The following MFAP3L variants were observed in gnomAD, a reference collection of about 807,000 sequenced individuals.
MFAP3L encodes microfibrillar-associated protein 3-like.
A neutral mutation model predicts 20.0 loss-of-function variants in MFAP3L; 5 were observed. The ratio of observed to expected loss-of-function variants is 0.25; its 90% confidence interval spans 0.13 to 0.53. The LOEUF (loss-of-function observed/expected upper bound fraction) is 0.53, where lower values mean the gene tolerates loss of function less well. Ranked by LOEUF, MFAP3L falls within the 20% of genes least tolerant of loss-of-function variation. The pLI, the probability that MFAP3L is intolerant of heterozygous loss-of-function variation, is 0.96. For missense variants in MFAP3L, 409 were observed against 527.5 expected (o/e 0.78, Z 2.20); for synonymous variants, 219 against 213.0 (o/e 1.03, Z -0.25).
Position 170,008,758 on chromosome 4 carries a change from C to T in MFAP3L, c.-133-2748G>A, listed in dbSNP as rs981351385. 4.6e-5 allele frequency among the ~76,000 whole-genome samples: 7 copies of T among 152,268 alleles called. No homozygotes were observed. The South Asian group carries it at 1.5e-3, about 32-fold the overall frequency. ...TTCTCATCACCCCATCGCATGTGCA[C>T]CTACCAAACTTGACACTGCTCCCTG... On this transcript the variant is annotated intron_variant, in intron 1 of 2. Transcript: ENST00000361618.
At chr4:170,021,654 T>G (rs958569032) in intron 1 of MFAP3L, among the ~76,000 whole-genome samples, 2 of 152,230 alleles carry the variant, frequency 1.3e-5, no homozygotes, top group African/African-American at 4.8e-5. Context: ...AACACTAAGA[T>G]AGAAGAATCC....
intron 1 of MFAP3L, among the ~76,000 whole-genome samples, chr4:170,010,801 T>C (rs1244428977): frequency 7.6e-6 from 1 of 130,800 alleles, no homozygotes; most frequent in Non-Finnish European, 1.5e-5. Flanking sequence ...GATTTCCCAC[T>C]GCATTGCGGG....
In MFAP3L at chr4:170,005,561, A is replaced by T. The variant is rs747064981; in HGVS notation, c.298+19T>A. On this transcript the variant is annotated intron_variant, in intron 2 of 2. Coordinates refer to ENST00000361618, the MANE Select transcript of MFAP3L (RefSeq NM_021647.8). ...TGTTTATATTTTATTATGACATTTGATACAACTTTAAAGCCTACCTCCTCC... is the reference window on the plus strand; with the variant it reads ...TGTTTATATTTTATTATGACATTTGTTACAACTTTAAAGCCTACCTCCTCC... 1.9e-5 allele frequency: 30 copies of T among 1,607,560 alleles called. No homozygotes were observed. Among genetic ancestry groups the T allele is most frequent in the Non-Finnish European group, 2.4e-5 (28 of 1,174,798 alleles).
chr4:170,012,514 C>T (rs753712069), intron 1 of MFAP3L, among the ~76,000 whole-genome samples: 7 of 152,186 alleles, frequency 4.6e-5, no homozygotes, highest in South Asian at 2.1e-4. Flanking sequence ...GCAGAGTACA[C>T]GGTCGCTCCT....
rs568139833 is a variant in MFAP3L, at chr4:169,987,152, T to C, written c.*4226A>G. 2.0e-5 allele frequency: 3 copies of C among 152,218 alleles called. No homozygotes were observed. The highest frequency in any genetic ancestry group is 1.9e-4 in the East Asian group (1 of 5,178). 9.4% of individuals were successfully genotyped at this position (152,218 alleles called of 1,614,324 possible). The stretch of plus-strand genomic sequence containing the variant: ...ATAAGCAATTGTTTTATTTGATTTT[T>C]CCCCCACAATTGATTTGTGTAACCC... On this transcript the variant is annotated 3_prime_UTR_variant, in exon 3 of 3. Transcript: ENST00000361618.
chr4:169,991,073 A>G lies in MFAP3L; in HGVS notation c.*305T>C, dbSNP rs1581436964. The stretch of plus-strand genomic sequence containing the variant: ...AACTCAGAATATCTTACAGTGGTGT[A>G]CTCTTTGCCAAGAAGGCATCACCAA... On this transcript the variant is annotated 3_prime_UTR_variant, in exon 3 of 3. Transcript: ENST00000361618. This position sits in a 1 kb window ranked among gnomAD's most constrained non-coding sequence, Gnocchi z 4.9. 7.4e-6 allele frequency: 3 copies of G among 403,152 alleles called. No individual in the cohort carries two copies. The East Asian group carries it at 1.3e-4, about 17-fold the overall frequency. The allele number at this position is 403,152 out of a possible 1,614,324, so 25.0% of individuals were successfully genotyped here.
rs1737410792 is a variant in MFAP3L, at chr4:169,988,262, A to G, written c.*3116T>C. ...ATGAAAATATAATATATAAAACAAA[A>G]CCATTATAAATTACATAGATTTTTC... On this transcript the variant is annotated 3_prime_UTR_variant, in exon 3 of 3. Transcript: ENST00000361618. 1 of 152,140 alleles carries G rather than the reference A, an allele frequency of 6.6e-6. No homozygotes were observed. The highest frequency in any genetic ancestry group is 2.1e-4 in the South Asian group (1 of 4,830). The allele number at this position is 152,140 out of a possible 1,614,324, so 9.4% of individuals were successfully genotyped here.
At chr4:170,011,598 T>C (rs1739382963) in intron 1 of MFAP3L, among the ~76,000 whole-genome samples, 1 of 152,170 alleles carries the variant, frequency 6.6e-6, no homozygotes, top group African/African-American at 2.4e-5. Flanking sequence ...TGATATGCAT[T>C]ACCTGAGAAA....
At chr4:170,012,222 T>C (rs968685088) in intron 1 of MFAP3L, among the ~76,000 whole-genome samples, 1 of 151,950 alleles carries the variant, frequency 6.6e-6, no homozygotes, top group Non-Finnish European at 1.5e-5. Flanking sequence ...CCAAAAGCAG[T>C]GGGGAAGGAA....
In MFAP3L at chr4:169,991,659, T is replaced by C. The variant is rs899677532; in HGVS notation, c.949A>G (p.Ile317Val). The stretch of plus-strand genomic sequence containing the variant: ...GACTGCGGGTGAACTGACACCTTGA[T>C]GGCAATTTGCTGAGGTTGCTCGTGC... ...SLHEQPQQIAIKVSVHPQSKK... is the reference protein window; with the variant it reads ...SLHEQPQQIAVKVSVHPQSKK... Residue 317 changes from isoleucine to valine, a missense_variant, in exon 3 of 3, where the codon ATC (isoleucine) becomes GTC (valine). This residue lies in a region of MFAP3L where 169 missense variants were observed against 178.2 expected (regional missense o/e 0.95). Coordinates refer to ENST00000361618, the MANE Select transcript of MFAP3L (RefSeq NM_021647.8). This position sits in a 1 kb window ranked among gnomAD's most constrained non-coding sequence, Gnocchi z 4.9. 9.9e-6 allele frequency: 16 copies of C among 1,614,078 alleles called. No individual in the cohort carries two copies. The highest frequency in any genetic ancestry group is 1.3e-5 in the Non-Finnish European group (15 of 1,180,050).
chr4:170,024,562 G>A (rs1253519744), intron 1 of MFAP3L, among the ~76,000 whole-genome samples: 1 of 152,138 alleles, frequency 6.6e-6, no homozygotes, highest in Non-Finnish European at 1.5e-5. Context: ...TATTTGTGTT[G>A]GAGTTTTCAA....
Position 169,992,236 on chromosome 4 carries a change from C to G in MFAP3L, c.372G>C (p.Thr124=). Reference sequence around the variant, plus strand: ...TGCCGTAGATGTTAGAAGCCACACACGTGTATTTACCTCGGTCTGAGAAGG... The same window carrying G: ...TGCCGTAGATGTTAGAAGCCACACAGGTGTATTTACCTCGGTCTGAGAAGG... ...KVSFSDRGKY[T]CVASNIYGTV... is the part of the protein sequence containing the mutation. The change falls in exon 3 of 3, where the codon ACG becomes ACC. Residue 124 remains threonine, a synonymous_variant. Transcript: ENST00000361618. The surrounding 1 kb of genome is among the most constrained non-coding windows in gnomAD (Gnocchi z 4.3). 3 of 1,614,110 alleles carry G rather than the reference C, an allele frequency of 1.9e-6. No individual in the cohort carries two copies. The highest frequency in any genetic ancestry group is 2.5e-6 in the Non-Finnish European group (3 of 1,180,010).
chr4:170,019,398 G>T (rs192439175), intron 1 of MFAP3L, among the ~76,000 whole-genome samples: 65 of 152,136 alleles, frequency 4.3e-4, no homozygotes, highest in African/African-American at 1.5e-3. Flanking sequence ...AAATTAATTA[G>T]CTGAGCATGG....
chr4:170,012,152 G>C (rs144752230), intron 1 of MFAP3L, among the ~76,000 whole-genome samples: 1 of 152,292 alleles, frequency 6.6e-6, no homozygotes, highest in Non-Finnish European at 1.5e-5. Flanking sequence ...CTGCGATGTA[G>C]ACCTGGCTAG....
At chr4:170,006,753 G>C (rs1401147123) in intron 1 of MFAP3L, 1 of 152,192 alleles carries the variant, frequency 6.6e-6, no homozygotes, top group African/African-American at 2.4e-5. Flanking sequence ...GCATTTGGAA[G>C]GACTGCATCA....
At chr4:170,001,655 C>T (rs763806515) in intron 2 of MFAP3L, among the ~76,000 whole-genome samples, 3 of 152,100 alleles carry the variant, frequency 2.0e-5, no homozygotes, top group Non-Finnish European at 2.9e-5. Context: ...GGACTTAATT[C>T]CTGGCTACTA....
At chr4:170,020,423 C>T (rs539360045) in intron 1 of MFAP3L, among the ~76,000 whole-genome samples, 19 of 152,312 alleles carry the variant, frequency 1.2e-4, no homozygotes, top group Admixed American at 1.2e-3. Context: ...TCCTTGCCGA[C>T]CTGCCTCTAG....
chr4:170,003,904 C>T (rs1738859337), intron 2 of MFAP3L: 1 of 948,838 alleles, frequency 1.1e-6, no homozygotes, highest in Non-Finnish European at 1.3e-6. Flanking sequence ...CCAGTGTGGG[C>T]TAGGGGTTGT....
intron 2 of MFAP3L, among the ~76,000 whole-genome samples, chr4:169,998,436 C>T (rs547952792): frequency 6.6e-6 from 1 of 152,352 alleles, no homozygotes; most frequent in Admixed American, 6.5e-5. Flanking sequence ...GCATTCTGAA[C>T]TGAAGAATCA....
Sources: allele counts gnomAD v4.1 joint callset (sites outside exome capture counted in the v4.1 genomes callset), GRCh38; gene constraint gnomAD v4.1.1; regional missense constraint gnomAD v4.1.1; non-coding constraint Gnocchi (gnomAD v3.1); transcripts MANE v1.5; gene names NCBI Gene and HGNC (gene_info 2026-07-23, HGNC 2026-07-21).